Variants in LRRN2 observed in about 807,000 individuals in gnomAD.
The protein encoded by LRRN2 is leucine-rich repeat neuronal protein 2.
LRRN2 carries 10 observed loss-of-function variants against 35.7 expected under a neutral mutation model. The ratio of observed to expected loss-of-function variants is 0.28; its 90% CI spans 0.17 to 0.47. The LOEUF is 0.47. LRRN2 is among the 20% of genes least tolerant of loss of function. The pLI is 0.99. For synonymous variants in LRRN2, 391 were observed against 409.6 expected, an observed-to-expected ratio of 0.95 and a Z score of 0.55; for missense variants, 731 against 940.3, an observed-to-expected ratio of 0.78 and a Z score of 2.91.
intron 1 of LRRN2, among the ~76,000 whole-genome samples, chr1:204,660,270 T>A (rs1476350520): frequency 6.6e-6 from 1 of 151,526 alleles, no homozygotes; most frequent in African/African-American, 2.4e-5. Context: ...CTTCCAGCTG[T>A]CCTTCCTCCT....
At chr1:204,658,086 T>C (rs1668399364) in intron 1 of LRRN2, among the ~76,000 whole-genome samples, 1 of 149,712 alleles carries the variant, frequency 6.7e-6, no homozygotes, top group African/African-American at 2.5e-5. Context: ...CAAGCCATTC[T>C]CCTGCCTCAG....
chr1:204,646,184 T>C (rs1170383072), intron 1 of LRRN2, among the ~76,000 whole-genome samples: 1 of 151,776 alleles, frequency 6.6e-6, no homozygotes. Context: ...ACAGGTGAAA[T>C]GGGAGAAGGG....
chr1:204,673,244 C>T (rs1318642052), intron 1 of LRRN2, among the ~76,000 whole-genome samples: 2 of 152,046 alleles, frequency 1.3e-5, no homozygotes, highest in Non-Finnish European at 2.9e-5. Flanking sequence ...AAAACAATAC[C>T]CTACCAAGTC....
At chr1:204,678,543 G>A (rs1400122976) in intron 1 of LRRN2, among the ~76,000 whole-genome samples, 1 of 152,128 alleles carries the variant, frequency 6.6e-6, no homozygotes, top group Non-Finnish European at 1.5e-5. Flanking sequence ...ACCAGCTCCA[G>A]ACCTCTCCTA....
chr1:204,630,305 G>T (rs1362996922), intron 1 of LRRN2, among the ~76,000 whole-genome samples: 1 of 150,922 alleles, frequency 6.6e-6, no homozygotes, highest in Non-Finnish European at 1.5e-5. Context: ...TCAGGGAAGG[G>T]TCGGGTGGGG....
At chr1:204,631,302 A>ATATATG (rs1667697863) in intron 1 of LRRN2, among the ~76,000 whole-genome samples, 1 of 114,816 alleles carries the variant, frequency 8.7e-6, no homozygotes, top group Non-Finnish European at 1.8e-5. Flanking sequence ...ATATATATAT[A>ATATATG]TGAAGAGCTG....
intron 1 of LRRN2, among the ~76,000 whole-genome samples, chr1:204,644,368 T>C (rs1235505771): frequency 6.6e-6 from 1 of 151,992 alleles, no homozygotes; most frequent in Non-Finnish European, 1.5e-5. Context: ...GGTCACTTTC[T>C]CTCCTTTCTC....
At position 204,617,776 on chromosome 1, in the gene LRRN2, A is replaced by C; in HGVS notation, c.*75T>G. ...GTCCATGTCCCTTTCCTGGCAGGGC[A>C]TCTGGCCCAGACTGCTTCTCTTTTG... On this transcript the variant is annotated 3_prime_UTR_variant, in exon 2 of 2. Transcript: ENST00000367177. 6.5e-7 allele frequency: 1 copy of C among 1,529,256 alleles called. No individual in the cohort carries two copies. The highest frequency in any genetic ancestry group is 1.2e-5 in the South Asian group (1 of 86,110). 94.7% of individuals were successfully genotyped at this position (1,529,256 alleles called of 1,614,324 possible). A position where few individuals can be genotyped will look rare whatever the true frequency, so the allele number is the denominator to read the frequency against.
chr1:204,644,061 C>T (rs1252910028), intron 1 of LRRN2, among the ~76,000 whole-genome samples: 1 of 152,104 alleles, frequency 6.6e-6, no homozygotes, highest in Non-Finnish European at 1.5e-5. Flanking sequence ...TAAATGGGTT[C>T]CCTTTCCCAG....
intron 1 of LRRN2, chr1:204,621,553 T>G (rs142491512): frequency 6.0e-6 from 1 of 167,324 alleles, no homozygotes; most frequent in African/African-American, 2.4e-5. Context: ...CTCTTGTGCC[T>G]GTAGTACGGG....
At chr1:204,631,192 T>C (rs538864870) in intron 1 of LRRN2, among the ~76,000 whole-genome samples, 1 of 140,768 alleles carries the variant, frequency 7.1e-6, no homozygotes, top group African/African-American at 2.6e-5. Context: ...CTAGCTCATC[T>C]CTAACCTCCT....
intron 1 of LRRN2, among the ~76,000 whole-genome samples, chr1:204,654,277 G>A (rs148828437): frequency 1.3e-5 from 2 of 152,160 alleles, no homozygotes; most frequent in African/African-American, 2.4e-5. Flanking sequence ...GAAGGGGTAC[G>A]AGGAGCCTTC....
At chr1:204,665,485 G>C (rs973242011) in intron 1 of LRRN2, among the ~76,000 whole-genome samples, 1 of 152,132 alleles carries the variant, frequency 6.6e-6, no homozygotes, top group Non-Finnish European at 1.5e-5. Flanking sequence ...GTAGTTGCTT[G>C]AGGTCAAGAC....
At chr1:204,648,261 C>A (rs887001002) in intron 1 of LRRN2, among the ~76,000 whole-genome samples, 7 of 152,220 alleles carry the variant, frequency 4.6e-5, no homozygotes, top group Non-Finnish European at 1.0e-4. Context: ...CACCTTCCCA[C>A]AGTGAGAGAG....
intron 1 of LRRN2, among the ~76,000 whole-genome samples, chr1:204,684,065 C>T (rs1227754991): frequency 6.6e-6 from 1 of 152,204 alleles, no homozygotes; most frequent in African/African-American, 2.4e-5. Flanking sequence ...AAACGCTGGG[C>T]CAGAGCCCAT....
chr1:204,632,927 C>T (rs1162700103), intron 1 of LRRN2, among the ~76,000 whole-genome samples: 1 of 149,968 alleles, frequency 6.7e-6, no homozygotes, highest in East Asian at 1.9e-4. Flanking sequence ...GAGCGAGACT[C>T]TGTCTCCAAA....
At chr1:204,675,456 T>C (rs952378474) in intron 1 of LRRN2, among the ~76,000 whole-genome samples, 1 of 152,222 alleles carries the variant, frequency 6.6e-6, no homozygotes, top group Non-Finnish European at 1.5e-5. Context: ...TTCCTGGACT[T>C]TCCCAGCTTC....
chr1:204,633,746 T>C (rs2887430), intron 1 of LRRN2, among the ~76,000 whole-genome samples: 118,492 of 152,224 alleles, frequency 0.78, 46,279 homozygotes, highest in East Asian at 0.89. Flanking sequence ...CCCTCTCCAG[T>C]CCCCGCTGCC....
rs568805192 is a variant in LRRN2 at position 204,648,500 on chromosome 1, G to A, written c.-226-28282C>T. ...TCGTATGTCCACTGAATTGAGGGAT[G>A]GTATCCAAGAAGCAACCGCTGCATA... is the stretch of plus-strand genomic sequence containing the variant. On this transcript the variant is annotated intron_variant, in intron 1 of 1. Coordinates refer to ENST00000367177, the MANE Select transcript of LRRN2 (RefSeq NM_201630.2). Among the ~76,000 whole-genome samples the A allele has an allele frequency of 1.5e-4, 23 of 152,260 alleles. No individual in the cohort carries two copies. In the South Asian group the frequency reaches 4.8e-3, roughly 32 times the overall value.
Sources: gnomAD v4.1 joint callset for allele counts (sites outside exome capture counted in the v4.1 genomes callset) on GRCh38, gnomAD v4.1.1 for gene constraint, MANE v1.5 for transcripts, NCBI Gene and HGNC (gene_info 2026-07-23, HGNC 2026-07-21) for gene names.